Variants in LUZP1 observed in about 807,000 individuals in gnomAD.
The protein encoded by LUZP1 is leucine zipper protein 1.
LUZP1 carries 25 observed loss-of-function variants against 71.3 expected under a neutral mutation model. The ratio of observed to expected loss-of-function variants is 0.35; its 90% confidence interval spans 0.26 to 0.49. The LOEUF is 0.49. LUZP1 is among the 20% of genes least tolerant of loss of function. The pLI, the probability that LUZP1 is intolerant of heterozygous loss-of-function variation, is 0.99. For synonymous variants in LUZP1, 481 were observed against 506.4 expected, an observed-to-expected ratio of 0.95 and a Z score of 0.67; for missense variants, 1,142 against 1,300.8, an observed-to-expected ratio of 0.88 and a Z score of 1.88.
intron 2 of LUZP1, among the ~76,000 whole-genome samples, chr1:23,122,149 G>A (rs1234667245): frequency 6.6e-6 from 1 of 151,950 alleles, no homozygotes; most frequent in Non-Finnish European, 1.5e-5. Flanking sequence ...ACCTACAATG[G>A]TGCCAGGCAT....
At chr1:23,122,854 T>G (rs909033245) in intron 2 of LUZP1, among the ~76,000 whole-genome samples, 1 of 152,246 alleles carries the variant, frequency 6.6e-6, no homozygotes, top group Non-Finnish European at 1.5e-5. Context: ...CCTAAACTCC[T>G]TTCCTAACTC....
exon 4 of LUZP1, chr1:23,092,924 C>G (rs555973566): frequency 1.9e-6 from 3 of 1,613,914 alleles, no homozygotes; most frequent in Admixed American, 3.3e-5. Flanking sequence ...TCTTTGTCTC[C>G]TGAGTCCCAC....
chr1:23,162,505 C>T (rs1644476100), intron 2 of LUZP1, among the ~76,000 whole-genome samples: 1 of 148,964 alleles, frequency 6.7e-6, no homozygotes, highest in East Asian at 2.0e-4. Flanking sequence ...GTGGCGTGAT[C>T]TCGGCTCACT....
intron 3 of LUZP1, among the ~76,000 whole-genome samples, chr1:23,108,164 T>C (rs907864911): frequency 1.3e-5 from 2 of 152,178 alleles, no homozygotes; most frequent in African/African-American, 4.8e-5. Context: ...CACCAACCAA[T>C]AAAATATTGG....
chr1:23,134,012 G>T (rs1359909926), intron 2 of LUZP1, among the ~76,000 whole-genome samples: 1 of 152,132 alleles, frequency 6.6e-6, no homozygotes, highest in Admixed American at 6.6e-5. Flanking sequence ...AGTTAGAAAG[G>T]ACTGCTCTAG....
exon 4 of LUZP1, chr1:23,092,626 G>A: frequency 6.2e-7 from 1 of 1,614,224 alleles, no homozygotes; most frequent in Non-Finnish European, 8.5e-7. Flanking sequence ...CCGTTGCCAA[G>A]CACGTGTCCC....
chr1:23,136,295 AACACACACACACACACAC>A (rs10578041), intron 2 of LUZP1, among the ~76,000 whole-genome samples: 34 of 130,246 alleles, frequency 2.6e-4, no homozygotes, highest in Middle Eastern at 3.9e-3. Flanking sequence ...TTCCGTCTTA[AACACACACACACACACAC>A]ACACACACAC....
intron 2 of LUZP1, among the ~76,000 whole-genome samples, chr1:23,115,599 G>A (rs574810207): frequency 8.8e-4 from 134 of 152,254 alleles, no homozygotes; most frequent in Non-Finnish European, 1.8e-3. Flanking sequence ...GGAGTGCAGT[G>A]GCACGATCTC....
chr1:23,146,737 C>A (rs758953025), intron 2 of LUZP1, among the ~76,000 whole-genome samples: 4 of 152,066 alleles, frequency 2.6e-5, no homozygotes, highest in Non-Finnish European at 5.9e-5. Flanking sequence ...ATCAAGGCTG[C>A]AGTGAGCAGT....
At chr1:23,126,155 T>C (rs1644170438) in intron 2 of LUZP1, among the ~76,000 whole-genome samples, 1 of 152,148 alleles carries the variant, frequency 6.6e-6, no homozygotes, top group African/African-American at 2.4e-5. Context: ...CAGTAAAATA[T>C]GTGTTCCAAG....
intron 2 of LUZP1, among the ~76,000 whole-genome samples, chr1:23,149,614 A>G (rs1321832917): frequency 6.6e-6 from 1 of 152,176 alleles, no homozygotes; most frequent in Non-Finnish European, 1.5e-5. Context: ...ACAAGACAGG[A>G]AAAGTCTTAA....
chr1:23,124,161 A>C (rs892821094), intron 2 of LUZP1, among the ~76,000 whole-genome samples: 1 of 152,220 alleles, frequency 6.6e-6, no homozygotes, highest in Non-Finnish European at 1.5e-5. Flanking sequence ...GGAAAGCTGC[A>C]GCCCTTCATC....
chr1:23,113,750 C>T (rs903404317), intron 2 of LUZP1, among the ~76,000 whole-genome samples: 2 of 151,800 alleles, frequency 1.3e-5, no homozygotes, highest in African/African-American at 2.4e-5. Context: ...TGTTGTGGCG[C>T]GCGCCTGTAG....
intron 2 of LUZP1, among the ~76,000 whole-genome samples, chr1:23,146,150 C>T (rs1289986343): frequency 6.6e-6 from 1 of 152,214 alleles, no homozygotes; most frequent in East Asian, 1.9e-4. Context: ...GCTGCCTCAG[C>T]TTCTCGAGTA....
At chr1:23,105,616 T>A (rs1216065713) in intron 3 of LUZP1, among the ~76,000 whole-genome samples, 1 of 152,248 alleles carries the variant, frequency 6.6e-6, no homozygotes, top group East Asian at 1.9e-4. Flanking sequence ...CAGCTTAAAT[T>A]ATTATTTATT....
At chr1:23,116,435 T>C (rs531724964) in intron 2 of LUZP1, among the ~76,000 whole-genome samples, 2 of 152,146 alleles carry the variant, frequency 1.3e-5, no homozygotes, top group African/African-American at 4.8e-5. Context: ...ACGGGAGAAT[T>C]GCTTGAGCCC....
At chr1:23,160,441 T>G (rs1244694427) in intron 2 of LUZP1, among the ~76,000 whole-genome samples, 1 of 152,230 alleles carries the variant, frequency 6.6e-6, no homozygotes. Context: ...GAACTCTGCA[T>G]AGTTAATTCT....
At chr1:23,104,018 A>G (rs892429684) in intron 3 of LUZP1, among the ~76,000 whole-genome samples, 19 of 151,612 alleles carry the variant, frequency 1.3e-4, no homozygotes, top group Non-Finnish European at 2.7e-4. Flanking sequence ...CAAGGGGAAG[A>G]GCAATTAACT....
chr1:23,167,900 CGGGGGTGCGCCG>C lies in LUZP1; in HGVS notation c.-226+854_-226+865del, dbSNP rs1644522825. Among the ~76,000 whole-genome samples, 4 of 151,954 alleles carry C rather than the reference CGGGGGTGCGCCG, an allele frequency of 2.6e-5. No homozygotes were observed. In the East Asian group the frequency reaches 7.8e-4, roughly 30 times the overall value. On this transcript the variant is annotated intron_variant, in intron 2 of 4. Coordinates refer to ENST00000302291, the Ensembl canonical transcript of LUZP1. The stretch of plus-strand genomic sequence containing the variant: ...CCTGCCCGGGCGGCTGGGCGGGGGC[CGGGGGTGCGCCG>C]GGAGGCGGGCCCCGCGCTGCGGAAA...
Sources: allele counts gnomAD v4.1 joint callset (sites outside exome capture counted in the v4.1 genomes callset), GRCh38; gene constraint gnomAD v4.1.1; transcripts MANE v1.5; gene names NCBI Gene and HGNC (gene_info 2026-07-23, HGNC 2026-07-21).